PRKAG2: variants seen among roughly 807,000 people sequenced by gnomAD.
The protein encoded by PRKAG2 is protein kinase AMP-activated non-catalytic subunit gamma 2.
A neutral mutation model predicts 69.6 loss-of-function variants in PRKAG2; 26 were observed. The observed-to-expected ratio is 0.37, with a 90% CI of 0.27 to 0.52. The LOEUF is 0.52. PRKAG2 is among the 20% of genes least tolerant of loss of function. The pLI is 0.90. For missense variants in PRKAG2, 557 were observed against 740.0 expected, an observed-to-expected ratio of 0.75 and a Z score of 2.87; for synonymous variants, 293 against 285.0, an observed-to-expected ratio of 1.03 and a Z score of -0.28.
chr7:151,688,251 G>A (rs1462234499), intron 3 of PRKAG2, among the ~76,000 whole-genome samples: 1 of 152,164 alleles, frequency 6.6e-6, no homozygotes, highest in East Asian at 1.9e-4. Context: ...CCCCCAGGTG[G>A]CCCATCCTGC....
chr7:151,691,066 A>G (rs988374896), intron 3 of PRKAG2, among the ~76,000 whole-genome samples: 2 of 152,200 alleles, frequency 1.3e-5, no homozygotes, highest in African/African-American at 4.8e-5. Context: ...GAGAGAAAAC[A>G]CAGCTATCCC....
rs139572759 is a variant in PRKAG2 at position 151,696,753 on chromosome 7, A to G, written c.467-21116T>C. 3.2e-3 allele frequency among the ~76,000 whole-genome samples: 486 copies of G among 152,328 alleles called. 2 individuals carry two copies. The highest frequency in any genetic ancestry group is 0.011 in the African/African-American group (463 of 41,568). On this transcript the variant is annotated intron_variant, in intron 3 of 15. Transcript: ENST00000287878. ...GGCCAAACCTCTCCTCTCAAGTCAG[A>G]TAAAAACGATCACACCAGGGAGGAG...
chr7:151,625,123 G>A (rs1234977471), intron 5 of PRKAG2, among the ~76,000 whole-genome samples: 1 of 152,174 alleles, frequency 6.6e-6, no homozygotes, highest in Non-Finnish European at 1.5e-5. Context: ...ACAAAGAAGT[G>A]CGTCCCCCTA....
intron 3 of PRKAG2, among the ~76,000 whole-genome samples, chr7:151,710,701 TTC>T (rs913008742): frequency 2.0e-4 from 30 of 152,202 alleles, no homozygotes; most frequent in Non-Finnish European, 8.8e-5. Context: ...AGCTTCATTT[TTC>T]TCTCTTCACT....
intron 5 of PRKAG2, among the ~76,000 whole-genome samples, chr7:151,616,165 T>C (rs73730222): frequency 0.013 from 1,905 of 152,206 alleles, 28 homozygotes; most frequent in African/African-American, 0.043. Flanking sequence ...CCTTGGAGGG[T>C]GCAGTGGCTT....
At chr7:151,690,897 C>T (rs773243744) in intron 3 of PRKAG2, among the ~76,000 whole-genome samples, 5 of 152,218 alleles carry the variant, frequency 3.3e-5, no homozygotes, top group Admixed American at 6.5e-5. Context: ...CAGTGAGTCT[C>T]GCTTATCGCT....
intron 1 of PRKAG2, among the ~76,000 whole-genome samples, chr7:151,873,938 T>A (rs1462938506): frequency 6.6e-6 from 1 of 151,916 alleles, no homozygotes; most frequent in South Asian, 2.1e-4. Context: ...TATATTTTTT[T>A]AAAAAACTAG....
chr7:151,664,173 A>G (rs1447191401), intron 4 of PRKAG2, among the ~76,000 whole-genome samples: 2 of 152,142 alleles, frequency 1.3e-5, no homozygotes, highest in African/African-American at 4.8e-5. Context: ...TCCAGAGGTG[A>G]CGGACAACCA....
Position 151,733,939 on chromosome 7 carries a change from C to T in PRKAG2, c.466+47213G>A, listed in dbSNP as rs151005213. Reference sequence around the variant, plus strand: ...CGAACTCCTAGGCTCAAGCAGTCCTCCCACCTCAACCTCCCAAAGTGCTGG... The same window carrying T: ...CGAACTCCTAGGCTCAAGCAGTCCTTCCACCTCAACCTCCCAAAGTGCTGG... On this transcript the variant is annotated intron_variant, in intron 3 of 15. Transcript: ENST00000287878. Among the ~76,000 whole-genome samples, 1,027 of 152,196 alleles carry T rather than the reference C, an allele frequency of 6.7e-3. 18 individuals are homozygous for T. The highest frequency in any genetic ancestry group is 0.023 in the African/African-American group (974 of 41,494).
At chr7:151,831,722 G>A (rs928708947) in intron 1 of PRKAG2, among the ~76,000 whole-genome samples, 11 of 152,214 alleles carry the variant, frequency 7.2e-5, no homozygotes, top group Admixed American at 5.2e-4. Flanking sequence ...AGCTGGTCTC[G>A]GGTCCTGGCC....
At chr7:151,811,215 A>G (rs1035990025) in intron 1 of PRKAG2, among the ~76,000 whole-genome samples, 1 of 152,222 alleles carries the variant, frequency 6.6e-6, no homozygotes, top group Non-Finnish European at 1.5e-5. Flanking sequence ...CTGCCAGGAC[A>G]GGCCACGGCT....
chr7:151,651,523 C>CGGTGGAGG (rs1308350478), intron 4 of PRKAG2, among the ~76,000 whole-genome samples: 1 of 152,192 alleles, frequency 6.6e-6, no homozygotes, highest in East Asian at 1.9e-4. Flanking sequence ...AGGAGAATCT[C>CGGTGGAGG]TTGAACCCGG....
chr7:151,852,934 C>T (rs1184243949), intron 1 of PRKAG2, among the ~76,000 whole-genome samples: 1 of 152,226 alleles, frequency 6.6e-6, no homozygotes, highest in Non-Finnish European at 1.5e-5. Flanking sequence ...CCTGGCAGGG[C>T]CGCAGCTCAA....
At chr7:151,747,920 T>G (rs1258240313) in intron 3 of PRKAG2, among the ~76,000 whole-genome samples, 1 of 87,950 alleles carries the variant, frequency 1.1e-5, no homozygotes, top group Non-Finnish European at 2.1e-5. Flanking sequence ...AAAACTTACT[T>G]TTTTTTTTTT....
chr7:151,858,238 C>G (rs967063422), intron 1 of PRKAG2, among the ~76,000 whole-genome samples: 2 of 152,128 alleles, frequency 1.3e-5, no homozygotes, highest in Non-Finnish European at 2.9e-5. Context: ...CTACCCCTCC[C>G]CTCCCCTCCC....
chr7:151,626,503 AG>A (rs1822938973), intron 5 of PRKAG2, among the ~76,000 whole-genome samples: 1 of 152,176 alleles, frequency 6.6e-6, no homozygotes, highest in Non-Finnish European at 1.5e-5. Context: ...TGAACTCAGC[AG>A]GGAAGGGTAG....
chr7:151,743,534 G>T (rs963786426), intron 3 of PRKAG2, among the ~76,000 whole-genome samples: 5 of 152,230 alleles, frequency 3.3e-5, no homozygotes, highest in African/African-American at 1.2e-4. Context: ...AGAAAACAGT[G>T]TGGAAGAATA....
At chr7:151,844,301 C>T (rs2079378391) in intron 1 of PRKAG2, among the ~76,000 whole-genome samples, 1 of 152,162 alleles carries the variant, frequency 6.6e-6, no homozygotes, top group Admixed American at 6.5e-5. Flanking sequence ...TACTGGGTGA[C>T]CTCATCCCTA....
intron 1 of PRKAG2, among the ~76,000 whole-genome samples, chr7:151,822,233 T>C (rs1160484755): frequency 6.6e-6 from 1 of 152,092 alleles, no homozygotes. Context: ...AGAGCACAAC[T>C]GCCACCGCCC....
Sources: allele counts gnomAD v4.1 joint callset (sites outside exome capture counted in the v4.1 genomes callset), GRCh38; gene constraint gnomAD v4.1.1; transcripts MANE v1.5; gene names NCBI Gene and HGNC (gene_info 2026-07-23, HGNC 2026-07-21).